Variants in ST6GAL1 observed in about 807,000 individuals in gnomAD.
ST6GAL1 encodes the protein ST6 beta-galactoside alpha-2,6-sialyltransferase 1.
Under a neutral mutation model 38.0 loss-of-function variants are expected in ST6GAL1, and 20 were observed. The ratio of observed to expected loss-of-function variants is 0.53; its 90% CI spans 0.37 to 0.77. The LOEUF (loss-of-function observed/expected upper bound fraction) is 0.77, where lower values mean the gene tolerates loss of function less well. Among genes scored for constraint, ST6GAL1 ranks in the 30% least tolerant of loss-of-function variants. ST6GAL1 has a pLI of 0.00. For missense variants in ST6GAL1, 432 were observed against 496.4 expected (o/e 0.87, Z 1.23); for synonymous variants, 196 against 188.2 (o/e 1.04, Z -0.34).
chr3:187,074,293 A>C lies in ST6GAL1; in HGVS notation c.939A>C (p.Pro313=). The change falls in exon 7 of 8, where the codon CCA becomes CCC. Residue 313 remains proline, a synonymous_variant. Coordinates refer to ENST00000169298, the MANE Select transcript of ST6GAL1 (RefSeq NM_173216.2). ...ELWDILQEIS[P]EEIQPNPPSS... is the part of the protein sequence containing the mutation. The stretch of plus-strand genomic sequence containing the variant: ...GGGACATTCTTCAAGAAATCTCCCC[A>C]GAAGAGATTCAGCCAAACCCCCCAT... The C allele has an allele frequency of 6.2e-7, 1 of 1,605,792 alleles. No individual in the cohort carries two copies. Among genetic ancestry groups the C allele is most frequent in the Non-Finnish European group, 8.5e-7 (1 of 1,176,326 alleles).
intron 1 of ST6GAL1, among the ~76,000 whole-genome samples, chr3:186,962,498 G>A (rs1487970116): frequency 2.0e-5 from 3 of 152,180 alleles, no homozygotes; most frequent in Non-Finnish European, 2.9e-5. Context: ...CCAGGTGAAC[G>A]AGGATATGTG....
At chr3:187,023,629 G>T (rs1717408164) in intron 2 of ST6GAL1, among the ~76,000 whole-genome samples, 1 of 152,070 alleles carries the variant, frequency 6.6e-6, no homozygotes, top group South Asian at 2.1e-4. Flanking sequence ...GCAAACTATG[G>T]CAAGGACAAA....
chr3:187,042,596 C>T, intron 3 of ST6GAL1, 58 bp from the exon 4 acceptor site: 1 of 1,465,882 alleles, frequency 6.8e-7, no homozygotes, highest in East Asian at 2.3e-5. Flanking sequence ...CGCTCCGCCT[C>T]ATGCCACATT....
At chr3:187,013,156 T>C (rs921666734) in intron 2 of ST6GAL1, among the ~76,000 whole-genome samples, 1 of 152,248 alleles carries the variant, frequency 6.6e-6, no homozygotes, top group Non-Finnish European at 1.5e-5. Flanking sequence ...TTTTCCTCTT[T>C]AAAATGGGAG....
intron 2 of ST6GAL1, among the ~76,000 whole-genome samples, chr3:186,995,342 A>G (rs909811642): frequency 2.0e-5 from 3 of 151,466 alleles, no homozygotes; most frequent in African/African-American, 7.3e-5. Flanking sequence ...CCCCGACTCT[A>G]CTAAAAATCA....
intron 2 of ST6GAL1, chr3:186,986,231 G>C (rs1715914504): frequency 6.6e-6 from 1 of 152,052 alleles, no homozygotes; most frequent in Admixed American, 6.6e-5. Flanking sequence ...TAGGGATGGG[G>C]TAAATGACAC....
At chr3:187,025,022 T>C (rs1364746745) in intron 2 of ST6GAL1, among the ~76,000 whole-genome samples, 1 of 150,556 alleles carries the variant, frequency 6.6e-6, no homozygotes, top group South Asian at 2.1e-4. Context: ...TGTGTGTGTC[T>C]GTGTGTGTGT....
chr3:186,989,345 G>A (rs1253643514), intron 2 of ST6GAL1, among the ~76,000 whole-genome samples: 5 of 152,208 alleles, frequency 3.3e-5, no homozygotes, highest in African/African-American at 9.6e-5. Context: ...ATGGGGAAGA[G>A]TTCAGTCCAA....
chr3:186,996,418 G>A (rs1207901053), intron 2 of ST6GAL1: 1 of 152,222 alleles, frequency 6.6e-6, no homozygotes, highest in Non-Finnish European at 1.5e-5. Flanking sequence ...GGCCTTGGAA[G>A]GGGGTAGATA....
intron 5 of ST6GAL1, among the ~76,000 whole-genome samples, chr3:187,066,193 C>G (rs745750405): frequency 6.6e-6 from 1 of 152,082 alleles, no homozygotes; most frequent in Non-Finnish European, 1.5e-5. Context: ...ATAATTGGAG[C>G]TAAAATTTAA....
intron 2 of ST6GAL1, among the ~76,000 whole-genome samples, chr3:187,010,119 G>T (rs1382243685): frequency 6.6e-6 from 1 of 152,126 alleles, no homozygotes; most frequent in East Asian, 1.9e-4. Flanking sequence ...GTTATTTCAG[G>T]TTATTCATGG....
intron 3 of ST6GAL1, among the ~76,000 whole-genome samples, chr3:187,039,227 C>T (rs116534938): frequency 1.4e-3 from 219 of 152,222 alleles, no homozygotes; most frequent in African/African-American, 5.1e-3. Flanking sequence ...TGATTTCTGC[C>T]GGTTCAGTGT....
intron 5 of ST6GAL1, among the ~76,000 whole-genome samples, chr3:187,066,209 A>G (rs2108598758): frequency 6.6e-6 from 1 of 152,286 alleles, no homozygotes; most frequent in African/African-American, 2.4e-5. Context: ...TTTAATCATG[A>G]TGGCAATCAT....
intron 4 of ST6GAL1, among the ~76,000 whole-genome samples, chr3:187,048,192 C>G (rs973781320): frequency 6.6e-6 from 1 of 152,170 alleles, no homozygotes; most frequent in Non-Finnish European, 1.5e-5. Context: ...ATCTGCCCAC[C>G]TTGGCCTCCC....
intron 2 of ST6GAL1, among the ~76,000 whole-genome samples, chr3:187,027,296 C>A (rs1271383939): frequency 1.3e-5 from 2 of 152,136 alleles, no homozygotes; most frequent in Non-Finnish European, 2.9e-5. Context: ...CTCTGCAGAT[C>A]TCACTTTCAG....
chr3:187,018,437 A>T (rs942852922), intron 2 of ST6GAL1, among the ~76,000 whole-genome samples: 6 of 152,130 alleles, frequency 3.9e-5, no homozygotes, highest in Non-Finnish European at 7.4e-5. Flanking sequence ...TCATGGAACT[A>T]TGTGAGGTCC....
In ST6GAL1 at chr3:187,076,733, C is replaced by T. The variant is rs1719573992; in HGVS notation, c.*930C>T. ...CGTTTGAATTGTGTTTTTCTTTCTTCCCATGTTTATTTTCTAAGATCTACC... is the reference window on the plus strand; with the variant it reads ...CGTTTGAATTGTGTTTTTCTTTCTTTCCATGTTTATTTTCTAAGATCTACC... On this transcript the variant is annotated 3_prime_UTR_variant, in exon 8 of 8. Coordinates refer to ENST00000169298, the MANE Select transcript of ST6GAL1 (RefSeq NM_173216.2). 2.5e-6 allele frequency: 1 copy of T among 398,048 alleles called. No individual in the cohort carries two copies. The highest frequency in any genetic ancestry group is 4.4e-6 in the Non-Finnish European group (1 of 225,950). 24.7% of individuals were successfully genotyped at this position (398,048 alleles called of 1,614,324 possible). A position where few individuals can be genotyped will look rare whatever the true frequency, so the allele number is the denominator to read the frequency against.
chr3:187,022,171 G>C (rs1686205655), intron 2 of ST6GAL1, among the ~76,000 whole-genome samples: 2 of 152,264 alleles, frequency 1.3e-5, no homozygotes, highest in African/African-American at 2.4e-5. Flanking sequence ...TCAATCTGTA[G>C]GATCTGACAC....
intron 1 of ST6GAL1, among the ~76,000 whole-genome samples, chr3:186,935,471 C>A (rs1189588242): frequency 1.3e-5 from 2 of 152,082 alleles, no homozygotes; most frequent in Non-Finnish European, 2.9e-5. Context: ...CATATGCGCG[C>A]ATGTGTCTTT....
Sources: allele counts gnomAD v4.1 joint callset (sites outside exome capture counted in the v4.1 genomes callset), GRCh38; gene constraint gnomAD v4.1.1; transcripts MANE v1.5; gene names NCBI Gene and HGNC (gene_info 2026-07-23, HGNC 2026-07-21).